Variants in ZRANB3 observed in about 807,000 individuals in gnomAD.
ZRANB3 encodes zinc finger RANBP2-type containing 3.
Under a neutral mutation model 133.8 loss-of-function variants are expected in ZRANB3, and 125 were observed. The observed-to-expected ratio is 0.93, with a 90% CI of 0.81 to 1.08. The LOEUF is 1.08. Ranked by LOEUF, ZRANB3 falls within the 50% of genes least tolerant of loss-of-function variation. The probability of loss-of-function intolerance (pLI) is 0.00; values close to 1 mark genes in which losing one functional copy is unlikely to be tolerated. For missense variants in ZRANB3, 1,229 were observed against 1,275.5 expected (o/e 0.96, Z 0.56); for synonymous variants, 387 against 432.7 (o/e 0.89, Z 1.31).
rs143763506 is a variant in ZRANB3, at chr2:135,468,571, G to T, written c.161+35758C>A. 1.1e-4 allele frequency among the ~76,000 whole-genome samples: 17 copies of T among 152,262 alleles called. No homozygotes were observed. The East Asian group carries it at 3.1e-3, about 28-fold the overall frequency. On this transcript the variant is annotated intron_variant, in intron 2 of 20. Coordinates refer to ENST00000264159, the MANE Select transcript of ZRANB3 (RefSeq NM_032143.4). ...GTCTTATTCATTTCTGTATCTAAGGGCCTCTCTCTGTGGCCAATATATAGC... is the reference window on the plus strand; with the variant it reads ...GTCTTATTCATTTCTGTATCTAAGGTCCTCTCTCTGTGGCCAATATATAGC...
intron 2 of ZRANB3, among the ~76,000 whole-genome samples, chr2:135,493,041 G>A (rs1379750644): frequency 7.3e-6 from 1 of 136,158 alleles, no homozygotes; most frequent in East Asian, 2.2e-4. Flanking sequence ...TGGTATGAAG[G>A]AAAACAGAAC....
At chr2:135,275,334 C>T (rs1229223277) in intron 9 of ZRANB3, among the ~76,000 whole-genome samples, 39 of 133,192 alleles carry the variant, frequency 2.9e-4, no homozygotes, top group African/African-American at 1.1e-3. Context: ...GGTGGCTGGC[C>T]AGGCGGGGGC....
In ZRANB3 at chr2:135,269,139, T is replaced by C; in HGVS notation, c.1209A>G (p.Gly403=). 1 of 1,589,494 alleles carries C rather than the reference T, an allele frequency of 6.3e-7. No individual in the cohort carries two copies. Among genetic ancestry groups the C allele is most frequent in the Non-Finnish European group, 8.5e-7 (1 of 1,170,504 alleles). Residue 403 remains glycine, a splice_region_variant and synonymous_variant, in exon 11 of 21, where the codon GGA becomes GGG. Transcript: ENST00000264159. Reference sequence around the variant, plus strand: ...CATGACTTGCTGCAGTAAATGTTAATCCCTAAGTGAAATAAAGCAAATAAA... The same window carrying C: ...CATGACTTGCTGCAGTAAATGTTAACCCCTAAGTGAAATAAAGCAAATAAA... ...AILSIQAAGQ[G]LTFTAASHVV...
At position 135,355,162 on chromosome 2, in the gene ZRANB3, C is replaced by G. The variant is rs531878893; in HGVS notation, c.181-1534G>C. On this transcript the variant is annotated intron_variant, in intron 3 of 20. Coordinates refer to ENST00000264159, the MANE Select transcript of ZRANB3 (RefSeq NM_032143.4). ...TTTATTATTTTGTTTATGTATTTTT[C>G]TTTTAACTGCTCCTGTTAACAACAA... The G allele has an allele frequency of 1.5e-4, 135 of 925,316 alleles. No homozygotes were observed. In the African/African-American group the frequency reaches 2.3e-3, roughly 16 times the overall value. The allele number at this position is 925,316 out of a possible 1,614,324, so 57.3% of individuals were successfully genotyped here.
chr2:135,228,396 A>G (rs989551048), intron 13 of ZRANB3: 1 of 167,142 alleles, frequency 6.0e-6, no homozygotes, highest in African/African-American at 2.4e-5. Context: ...GAGGAGTCCC[A>G]TTTGAGCTGA....
intron 6 of ZRANB3, among the ~76,000 whole-genome samples, chr2:135,327,902 G>C (rs934065177): frequency 6.6e-6 from 1 of 152,038 alleles, no homozygotes; most frequent in Non-Finnish European, 1.5e-5. Context: ...ATAGTATTGT[G>C]ATAAAGACAT....
intron 2 of ZRANB3, among the ~76,000 whole-genome samples, chr2:135,457,402 C>G (rs1384806021): frequency 6.6e-6 from 1 of 152,128 alleles, no homozygotes; most frequent in Non-Finnish European, 1.5e-5. Context: ...AGTGGCTGCA[C>G]TATTTTACAT....
intron 8 of ZRANB3, among the ~76,000 whole-genome samples, chr2:135,293,993 T>C (rs1681899794): frequency 6.6e-6 from 1 of 152,108 alleles, no homozygotes. Context: ...CTGGATTCGG[T>C]TTGCCAGTAT....
At chr2:135,345,371 G>A (rs1178096248) in intron 6 of ZRANB3, 179 bp downstream of exon 6, 3 of 511,062 alleles carry the variant, frequency 5.9e-6, no homozygotes, top group East Asian at 3.3e-5. Flanking sequence ...AGGAGGCTAA[G>A]GCAGAAGAAT....
intron 1 of ZRANB3, among the ~76,000 whole-genome samples, chr2:135,523,036 AT>A (rs1694013029): frequency 6.6e-6 from 1 of 152,240 alleles, no homozygotes; most frequent in Non-Finnish European, 1.5e-5. Context: ...CCTACCTGAC[AT>A]TTTGGATATC....
At chr2:135,283,393 G>A (rs1341842402) in intron 8 of ZRANB3, among the ~76,000 whole-genome samples, 2 of 151,886 alleles carry the variant, frequency 1.3e-5, no homozygotes, top group Non-Finnish European at 2.9e-5. Context: ...GGTGGATCAC[G>A]AGGTCAGGAG....
At chr2:135,209,038 A>G (rs1693996429) in intron 17 of ZRANB3, 60 bp from the exon 18 acceptor site, 1 of 1,476,882 alleles carries the variant, frequency 6.8e-7, no homozygotes, top group Non-Finnish European at 9.4e-7. Flanking sequence ...TCTCTATTGC[A>G]TGTTTACATT....
chr2:135,240,772 GTT>G (rs1475601811), intron 12 of ZRANB3, among the ~76,000 whole-genome samples: 1 of 151,950 alleles, frequency 6.6e-6, no homozygotes, highest in Non-Finnish European at 1.5e-5. Context: ...CAGAGATTGA[GTT>G]TCAACATGTT....
intron 17 of ZRANB3, among the ~76,000 whole-genome samples, chr2:135,216,865 T>C (rs1694332583): frequency 6.6e-6 from 1 of 152,126 alleles, no homozygotes; most frequent in Non-Finnish European, 1.5e-5. Flanking sequence ...ATGGGGAGAC[T>C]TGAGTGGGAT....
At chr2:135,201,857 TA>T (rs1438262422) in intron 20 of ZRANB3, among the ~76,000 whole-genome samples, 1 of 152,140 alleles carries the variant, frequency 6.6e-6, no homozygotes, top group African/African-American at 2.4e-5. Flanking sequence ...CAGTGGCAGT[TA>T]AATGGGCTTC....
At chr2:135,263,871 G>A (rs1403914420) in intron 12 of ZRANB3, among the ~76,000 whole-genome samples, 2 of 151,676 alleles carry the variant, frequency 1.3e-5, no homozygotes, top group Non-Finnish European at 2.9e-5. Flanking sequence ...CAGTTCCTGG[G>A]TTTAAGTGAT....
At chr2:135,251,536 G>A (rs932461171) in intron 12 of ZRANB3, among the ~76,000 whole-genome samples, 6 of 152,184 alleles carry the variant, frequency 3.9e-5, no homozygotes, top group Admixed American at 3.3e-4. Flanking sequence ...AGGGACACAA[G>A]GGTAGGTAAT....
At position 135,244,699 on chromosome 2, in the gene ZRANB3, C is replaced by A. The variant is rs367907907; in HGVS notation, c.1540-13772G>T. On this transcript the variant is annotated intron_variant, in intron 12 of 20. Transcript: ENST00000264159. ...AAAGAATTCTCAGGGCCTTCAAATACCAGCTTTACAGTTGATCTTCTTAAT... is the reference window on the plus strand; with the variant it reads ...AAAGAATTCTCAGGGCCTTCAAATAACAGCTTTACAGTTGATCTTCTTAAT... Among the ~76,000 whole-genome samples, 33 of 152,198 alleles carry A rather than the reference C, an allele frequency of 2.2e-4. No individual in the cohort carries two copies. In the South Asian group the frequency reaches 5.8e-3, roughly 27 times the overall value.
rs1694677272 is a variant in ZRANB3 at position 135,224,443 on chromosome 2, TC to T, written c.2232del (p.Ile745PhefsTer11). 1 of 1,612,444 alleles carries T rather than the reference TC, an allele frequency of 6.2e-7. No homozygotes were observed. The highest frequency in any genetic ancestry group is 1.3e-5 in the African/African-American group (1 of 74,912). ...ACGCTTACCTTAGTATAGATGTGAA[TC>T]CGGTCAGTATTCCTACTTGCACAGA... is the stretch of plus-strand genomic sequence containing the variant. ...LMFCASRNTD[R>X]IHIYTKDGKQ... On this transcript the variant is annotated frameshift_variant, in exon 15 of 21. Transcript: ENST00000264159. LOFTEE classifies it high-confidence loss of function.
Sources: allele counts gnomAD v4.1 joint callset (sites outside exome capture counted in the v4.1 genomes callset), GRCh38; gene constraint gnomAD v4.1.1; transcripts MANE v1.5; gene names NCBI Gene and HGNC (gene_info 2026-07-23, HGNC 2026-07-21).